The following GNB4 variants were observed in gnomAD, a reference collection of about 807,000 sequenced individuals.
GNB4 encodes guanine nucleotide-binding protein subunit beta-4.
In GNB4, 28 loss-of-function variants were observed where a neutral mutation model predicts 45.2. The observed-to-expected ratio is 0.62, with a 90% CI of 0.46 to 0.85. GNB4 has a LOEUF of 0.85. Among genes scored for constraint, GNB4 ranks in the 40% least tolerant of loss-of-function variants. The pLI, the probability that GNB4 is intolerant of heterozygous loss-of-function variation, is 0.00. For synonymous variants in GNB4, 132 were observed against 143.7 expected (o/e 0.92, Z 0.58); for missense variants, 321 against 425.4 (o/e 0.75, Z 2.16).
chr3:179,460,529 A>G, the GNB4 span, among the ~76,000 whole-genome samples: 2 of 152,218 alleles, frequency 1.3e-5, no homozygotes, highest in African/African-American at 4.8e-5. Context: ...CATCTTATGA[A>G]TAAGTGTTTC....
chr3:179,440,995 T>C (rs2108617623), intron 1 of GNB4, among the ~76,000 whole-genome samples: 1 of 152,340 alleles, frequency 6.6e-6, no homozygotes. Context: ...GCATTGTTCC[T>C]ATTATTTTCA....
chr3:179,407,575 C>A (rs1263355565), intron 8 of GNB4, among the ~76,000 whole-genome samples: 1 of 152,244 alleles, frequency 6.6e-6, no homozygotes, highest in African/African-American at 2.4e-5. Context: ...AGAAACGCAG[C>A]TGGAGCCCAC....
At chr3:179,461,604 T>C in the GNB4 span, among the ~76,000 whole-genome samples, 2 of 152,216 alleles carry the variant, frequency 1.3e-5, no homozygotes, top group African/African-American at 4.8e-5. Flanking sequence ...GAAATATAAA[T>C]TTCAAGGAAG....
At chr3:179,413,693 T>C in intron 7 of GNB4, 22 bp downstream of exon 7, 2 of 1,612,282 alleles carry the variant, frequency 1.2e-6, no homozygotes, top group East Asian at 2.2e-5. Context: ...CCATAATCAG[T>C]GTGCTTCTGG....
At chr3:179,402,727 C>G in intron 9 of GNB4, among the ~76,000 whole-genome samples, 1 of 152,188 alleles carries the variant, frequency 6.6e-6, no homozygotes, top group Non-Finnish European at 1.5e-5. Context: ...ACTGCAGATT[C>G]TCCAAAAGTG....
chr3:179,421,044 A>C (rs1348257145), intron 2 of GNB4, 117 bp from the exon 3 acceptor site: 3 of 625,066 alleles, frequency 4.8e-6, no homozygotes, highest in South Asian at 4.1e-5. Flanking sequence ...CATCTTTAAA[A>C]ATTTTTTTAA....
chr3:179,502,233 T>C, the GNB4 span, among the ~76,000 whole-genome samples: 66 of 140,366 alleles, frequency 4.7e-4, no homozygotes, highest in African/African-American at 1.3e-3. Context: ...CTTTTCTTTT[T>C]TTTTTTTTTT....
In GNB4 at chr3:179,419,485, A is replaced by G. The variant is rs1362650; in HGVS notation, c.117T>C (p.Ser39=). 0.47 allele frequency: 751,136 copies of G among 1,601,116 alleles called. 177,775 individuals are homozygous for G. Among genetic ancestry groups the G allele is most frequent in the South Asian group, 0.51 (46,687 of 90,758 alleles). ...TLVQITSNMD[S]VGRIQMRTRR... ...TTGTTCGCATTTGTATTCGACCCACAGAGTCCATATTTGATGTAATCTTTT... is the reference window on the plus strand; with the variant it reads ...TTGTTCGCATTTGTATTCGACCCACGGAGTCCATATTTGATGTAATCTTTT... Residue 39 remains serine, a synonymous_variant, in exon 4 of 10, where the codon TCT becomes TCC. Transcript: ENST00000232564.
At position 179,419,443 on chromosome 3, in the gene GNB4, G is replaced by A. The variant is rs1290727253; in HGVS notation, c.159C>T (p.Gly53=). ...IQMRTRRTLR[G]HLAKIYAMHW... ...GCATAGCATAGATTTTAGCTAGGTG[G>A]CCCCTCAGTGTACGTCTTGTTCGCA... is the stretch of plus-strand genomic sequence containing the variant. The change falls in exon 4 of 10, where the codon GGC becomes GGT. Residue 53 remains glycine, a synonymous_variant. Coordinates refer to ENST00000232564, the MANE Select transcript of GNB4 (RefSeq NM_021629.4). 6.2e-7 allele frequency: 1 copy of A among 1,612,998 alleles called. No individual in the cohort carries two copies. The highest frequency in any genetic ancestry group is 8.5e-7 in the Non-Finnish European group (1 of 1,179,030).
At chr3:179,515,374 TG>T in the GNB4 span, among the ~76,000 whole-genome samples, 1 of 152,186 alleles carries the variant, frequency 6.6e-6, no homozygotes, top group Non-Finnish European at 1.5e-5. Flanking sequence ...TTATTTCACC[TG>T]GGTGCAGGCA....
the GNB4 span, among the ~76,000 whole-genome samples, chr3:179,514,681 G>A: frequency 6.6e-6 from 1 of 152,178 alleles, no homozygotes; most frequent in Non-Finnish European, 1.5e-5. Context: ...ATTGGGCAAA[G>A]AAAAGCTTGT....
intron 9 of GNB4, among the ~76,000 whole-genome samples, chr3:179,401,958 A>C (rs182852835): frequency 6.6e-6 from 1 of 152,298 alleles, no homozygotes; most frequent in East Asian, 1.9e-4. Context: ...GAAATACAGT[A>C]AGATTAATAA....
intron 1 of GNB4, among the ~76,000 whole-genome samples, chr3:179,445,759 AATG>A (rs1277612238): frequency 6.6e-6 from 1 of 152,236 alleles, no homozygotes; most frequent in Non-Finnish European, 1.5e-5. Flanking sequence ...TACTAAGAAT[AATG>A]ATATCTTCTG....
At chr3:179,460,605 CTTTTA>C in the GNB4 span, among the ~76,000 whole-genome samples, 56 of 152,078 alleles carry the variant, frequency 3.7e-4, no homozygotes, top group African/African-American at 1.3e-3. Flanking sequence ...GCTCTTTTTT[CTTTTA>C]TTTTAAAAAC....
At chr3:179,457,059 G>A in the GNB4 span, among the ~76,000 whole-genome samples, 4 of 152,084 alleles carry the variant, frequency 2.6e-5, no homozygotes, top group South Asian at 2.1e-4. Flanking sequence ...CTCTAAACAT[G>A]TTTATTTGTT....
the GNB4 span, among the ~76,000 whole-genome samples, chr3:179,512,727 C>T: frequency 6.6e-6 from 1 of 152,180 alleles, no homozygotes; most frequent in African/African-American, 2.4e-5. Context: ...ATGTTCCACA[C>T]ATATGCATTG....
the GNB4 span, among the ~76,000 whole-genome samples, chr3:179,511,048 G>C: frequency 1.3e-5 from 2 of 152,148 alleles, no homozygotes; most frequent in African/African-American, 4.8e-5. Context: ...AGGTGTGTGG[G>C]TATGGCTGAC....
At chr3:179,503,158 A>G in the GNB4 span, among the ~76,000 whole-genome samples, 1 of 152,220 alleles carries the variant, frequency 6.6e-6, no homozygotes, top group Non-Finnish European at 1.5e-5. Context: ...TAAGATTTGT[A>G]CATTCCACTG....
At chr3:179,510,218 G>T in the GNB4 span, among the ~76,000 whole-genome samples, 2 of 151,954 alleles carry the variant, frequency 1.3e-5, no homozygotes, top group African/African-American at 4.8e-5. Context: ...AAAATCCCCA[G>T]TTTACCATGG....
Sources: gnomAD v4.1 joint callset for allele counts (sites outside exome capture counted in the v4.1 genomes callset) on GRCh38, gnomAD v4.1.1 for gene constraint, MANE v1.5 for transcripts, NCBI Gene and HGNC (gene_info 2026-07-23, HGNC 2026-07-21) for gene names.